The following TLCD4 variants were observed in gnomAD, a reference collection of about 807,000 sequenced individuals.
TLCD4 encodes the protein TLC domain-containing protein 4.
In TLCD4, 7 loss-of-function variants were observed where a neutral mutation model predicts 24.2. The ratio of observed to expected loss-of-function variants is 0.29; its 90% CI spans 0.16 to 0.54. TLCD4 has a LOEUF of 0.54. Ranked by LOEUF, TLCD4 falls within the 20% of genes least tolerant of loss-of-function variation. TLCD4 has a pLI of 0.95. For missense variants in TLCD4, 259 were observed against 313.9 expected (o/e 0.82, Z 1.32); for synonymous variants, 103 against 106.4 (o/e 0.97, Z 0.20).
chr1:95,191,445 C>T, intron 6 of TLCD4, 105 bp from the exon 7 acceptor site: 1 of 1,402,964 alleles, frequency 7.1e-7, no homozygotes, highest in Non-Finnish European at 9.5e-7. Context: ...ATTCTAGGCC[C>T]TTTGCTCCTC....
chr1:95,117,188 A>T (rs1676446939), upstream of TLCD4: 1 of 152,192 alleles, frequency 6.6e-6, no homozygotes, highest in Middle Eastern at 3.2e-3. Context: ...AGCTTCCAGG[A>T]TCTCTCCGCT....
At chr1:95,101,893 G>T in the TLCD4 span, among the ~76,000 whole-genome samples, 1 of 152,202 alleles carries the variant, frequency 6.6e-6, no homozygotes, top group Non-Finnish European at 1.5e-5. Flanking sequence ...AGGTAGAGAT[G>T]CAGGAAAATG....
intron 2 of TLCD4, among the ~76,000 whole-genome samples, chr1:95,146,324 A>C (rs1317193920): frequency 6.6e-6 from 1 of 152,128 alleles, no homozygotes; most frequent in East Asian, 1.9e-4. Context: ...TTAATTACTT[A>C]TATTCACTTT....
At chr1:95,168,542 A>G (rs942824352) in intron 5 of TLCD4, among the ~76,000 whole-genome samples, 1 of 143,988 alleles carries the variant, frequency 6.9e-6, no homozygotes, top group Non-Finnish European at 1.5e-5. Flanking sequence ...TTTGGAATGA[A>G]ATGTGAGTGA....
upstream of TLCD4, among the ~76,000 whole-genome samples, chr1:95,116,918 G>C (rs570572102): frequency 6.6e-6 from 1 of 152,314 alleles, no homozygotes; most frequent in African/African-American, 2.4e-5. Flanking sequence ...GGCGGGACTC[G>C]AGTGTGGCCG....
intron 6 of TLCD4, among the ~76,000 whole-genome samples, chr1:95,190,646 C>T (rs1678995366): frequency 6.6e-6 from 1 of 151,090 alleles, no homozygotes; most frequent in Non-Finnish European, 1.5e-5. Flanking sequence ...GGTTTCAAAC[C>T]CCTGACCTCA....
intron 6 of TLCD4, among the ~76,000 whole-genome samples, chr1:95,177,441 T>G (rs1232562818): frequency 6.6e-6 from 1 of 152,104 alleles, no homozygotes; most frequent in Non-Finnish European, 1.5e-5. Context: ...TCATGAATAA[T>G]TTCAAAGATA....
chr1:95,125,558 A>G (rs1163701189), intron 1 of TLCD4: 3 of 152,086 alleles, frequency 2.0e-5, no homozygotes, highest in Admixed American at 2.0e-4. Flanking sequence ...AAGGAGTTCC[A>G]TTTGTAACTG....
the TLCD4 span, among the ~76,000 whole-genome samples, chr1:95,105,787 C>T: frequency 2.0e-5 from 3 of 150,282 alleles, no homozygotes; most frequent in Admixed American, 1.3e-4. Context: ...CCCAGCTACT[C>T]GCGAGGCTGA....
chr1:95,107,434 CA>C, the TLCD4 span, among the ~76,000 whole-genome samples: 3 of 151,752 alleles, frequency 2.0e-5, no homozygotes, highest in East Asian at 3.9e-4. Context: ...AACAAACAAA[CA>C]AAAAAAATTT....
chr1:95,103,127 C>T, the TLCD4 span, among the ~76,000 whole-genome samples: 608 of 152,134 alleles, frequency 4.0e-3, 3 homozygotes, highest in Non-Finnish European at 7.4e-3. Flanking sequence ...TACAGGCATG[C>T]GCCACCATGC....
At position 95,195,635 on chromosome 1, in the gene TLCD4, A is replaced by C. The variant is rs1679179483; in HGVS notation, c.*3767A>C. The C allele has an allele frequency of 6.6e-6, 1 of 152,170 alleles. No individual in the cohort carries two copies. Among genetic ancestry groups the C allele is most frequent in the Non-Finnish European group, 1.5e-5 (1 of 68,016 alleles). The allele number at this position is 152,170 out of a possible 1,614,324, so 9.4% of individuals were successfully genotyped here. On this transcript the variant is annotated 3_prime_UTR_variant, in exon 7 of 7. Transcript: ENST00000370203. ...CAGGTGCGAGCCAGCATACAGCGAGACCCTTCATGTGTCTCTGGATGCACA... is the reference window on the plus strand; with the variant it reads ...CAGGTGCGAGCCAGCATACAGCGAGCCCCTTCATGTGTCTCTGGATGCACA...
In TLCD4 at chr1:95,143,937, C is replaced by A; in HGVS notation, c.36C>A (p.Thr12=). Residue 12 remains threonine (T), a synonymous_variant, in exon 2 of 7, where the codon ACC becomes ACA. Coordinates refer to ENST00000370203, the MANE Select transcript of TLCD4 (RefSeq NM_152487.3). Reference sequence around the variant, plus strand: ...ACACAAAACTGCTCATCAGTGTTACCTGTATCAGCTTTTTCACCTTTCAGC... The same window carrying A: ...ACACAAAACTGCTCATCAGTGTTACATGTATCAGCTTTTTCACCTTTCAGC... ...EINTKLLISV[T]CISFFTFQLL... 2 of 1,550,558 alleles carry A rather than the reference C, an allele frequency of 1.3e-6. No homozygotes were observed. Among genetic ancestry groups the A allele is most frequent in the South Asian group, 1.3e-5 (1 of 79,316 alleles).
Position 95,126,937 on chromosome 1 carries a change from C to T in TLCD4, c.-12+9320C>T, listed in dbSNP as rs184195485. 1.4e-4 allele frequency among the ~76,000 whole-genome samples: 22 copies of T among 152,302 alleles called. No homozygotes were observed. In the East Asian group the frequency reaches 3.7e-3, roughly 25 times the overall value. Reference sequence around the variant, plus strand: ...CTCCACCTCGGGATTGGGGGCCTGGCGTGGCAGTGTCATTGTTGCAAAGGA... The same window carrying T: ...CTCCACCTCGGGATTGGGGGCCTGGTGTGGCAGTGTCATTGTTGCAAAGGA... On this transcript the variant is annotated intron_variant, in intron 1 of 6. Transcript: ENST00000370203.
chr1:95,187,045 A>G (rs1240457785), intron 6 of TLCD4, among the ~76,000 whole-genome samples: 2 of 152,244 alleles, frequency 1.3e-5, no homozygotes, highest in African/African-American at 4.8e-5. Flanking sequence ...AATGATGTAA[A>G]ATTAGGCAAG....
intron 5 of TLCD4, among the ~76,000 whole-genome samples, chr1:95,170,465 G>A (rs1292516813): frequency 6.6e-6 from 1 of 151,868 alleles, no homozygotes; most frequent in Non-Finnish European, 1.5e-5. Flanking sequence ...GAGTAGCTGG[G>A]ACTATAGGCA....
At chr1:95,096,324 T>C in the TLCD4 span, among the ~76,000 whole-genome samples, 2 of 152,222 alleles carry the variant, frequency 1.3e-5, no homozygotes, top group African/African-American at 4.8e-5. Context: ...GCTGTTGCTG[T>C]TTTCCGGCCT....
the TLCD4 span, among the ~76,000 whole-genome samples, chr1:95,102,975 T>A: frequency 1.7e-3 from 239 of 137,542 alleles, 1 homozygote; most frequent in Middle Eastern, 8.1e-3. Flanking sequence ...AACTACTTTT[T>A]AAAAAAAAAA....
At chr1:95,162,898 T>A (rs575107672) in intron 5 of TLCD4, among the ~76,000 whole-genome samples, 1 of 152,340 alleles carries the variant, frequency 6.6e-6, no homozygotes, top group African/African-American at 2.4e-5. Flanking sequence ...CTTCCCTTTG[T>A]GGGTAACCCA....
Sources: gnomAD v4.1 joint callset for allele counts (sites outside exome capture counted in the v4.1 genomes callset) on GRCh38, gnomAD v4.1.1 for gene constraint, MANE v1.5 for transcripts, NCBI Gene and HGNC (gene_info 2026-07-23, HGNC 2026-07-21) for gene names.